NOMO1: variants seen among roughly 807,000 people sequenced by gnomAD.
NOMO1 encodes the protein NODAL modulator 1.
In NOMO1, 40 loss-of-function variants were observed where a neutral mutation model predicts 133.8. That is an observed-to-expected ratio of 0.30 (90% CI 0.23 to 0.39). NOMO1 has a LOEUF of 0.39. Among genes scored for constraint, NOMO1 ranks in the 10% least tolerant of loss-of-function variants. The probability of loss-of-function intolerance (pLI) is 1.00; values close to 1 mark genes in which losing one functional copy is unlikely to be tolerated. For synonymous variants in NOMO1, 236 were observed against 570.5 expected, an observed-to-expected ratio of 0.41 and a Z score of 8.36; for missense variants, 462 against 1,419.9, an observed-to-expected ratio of 0.33 and a Z score of 10.84.
At chr16:14,857,069 G>C (rs910350442) in intron 9 of NOMO1, 148 bp from the exon 10 acceptor site, 15 of 1,054,028 alleles carry the variant, frequency 1.4e-5, no homozygotes, top group Non-Finnish European at 2.0e-5. Context: ...AGGGAGCCTG[G>C]CTGGCACACA....
At chr16:14,867,883 G>T (rs1398411227) in intron 15 of NOMO1, among the ~76,000 whole-genome samples, 14 of 133,434 alleles carry the variant, frequency 1.0e-4, no homozygotes, top group Admixed American at 3.7e-4. Flanking sequence ...CAGCTCTCTT[G>T]TAATAAGATC....
intron 4 of NOMO1, 60 bp from the exon 5 acceptor site, chr16:14,846,517 C>T: frequency 3.3e-6 from 2 of 599,150 alleles, no homozygotes; most frequent in Non-Finnish European, 5.9e-6. Context: ...AGCAGGACTG[C>T]CAGTGCTTTG....
At chr16:14,877,507 G>A (rs1394884397) in intron 22 of NOMO1, among the ~76,000 whole-genome samples, 11 of 151,228 alleles carry the variant, frequency 7.3e-5, no homozygotes, top group Non-Finnish European at 1.5e-4. Flanking sequence ...ATTCAAACTC[G>A]GAAGAAATGT....
chr16:14,858,393 CT>C (rs1963874918), intron 11 of NOMO1, among the ~76,000 whole-genome samples: 1 of 150,514 alleles, frequency 6.6e-6, no homozygotes, highest in Non-Finnish European at 1.5e-5. Flanking sequence ...TTACCATCAT[CT>C]GAAGCAAGAT....
At chr16:14,889,278 T>A in intron 29 of NOMO1, 63 bp downstream of exon 29, 1 of 1,611,410 alleles carries the variant, frequency 6.2e-7, no homozygotes, top group Non-Finnish European at 8.5e-7. Context: ...ACGCCTGTAA[T>A]CCCAGCACTT....
intron 15 of NOMO1, among the ~76,000 whole-genome samples, chr16:14,867,944 A>C (rs1275315468): frequency 8.7e-5 from 8 of 91,524 alleles, no homozygotes; most frequent in Admixed American, 3.5e-4. Context: ...ATCTCCTCCC[A>C]CTGTCCCCTC....
rs1437143066 is a variant in NOMO1, at chr16:14,857,551, A to G, written c.1116A>G (p.Thr372=). 1.2e-6 allele frequency: 2 copies of G among 1,611,128 alleles called. No homozygotes were observed. Among genetic ancestry groups the G allele is most frequent in the South Asian group, 1.1e-5 (1 of 90,926 alleles). ...CATTCCGCCTTGAGAACATAACCAC[A>G]GGGACATACACCATCCATGCTCAGA... ...DGSFRLENIT[T]GTYTIHAQKE... Residue 372 remains threonine (T), a synonymous_variant, in exon 11 of 31, where the codon ACA becomes ACG. Coordinates refer to ENST00000287667, the MANE Select transcript of NOMO1 (RefSeq NM_014287.4).
At position 14,836,761 on chromosome 16, in the gene NOMO1, A is replaced by G. The variant is rs112323359; in HGVS notation, c.166-1646A>G. 4.1e-3 allele frequency among the ~76,000 whole-genome samples: 575 copies of G among 140,334 alleles called. 7 individuals carry two copies. Among genetic ancestry groups the G allele is most frequent in the Middle Eastern group, 0.012 (3 of 248 alleles). 92.1% of individuals were successfully genotyped at this position (140,334 alleles called of 152,430 possible). A position where few individuals can be genotyped will look rare whatever the true frequency, so the allele number is the denominator to read the frequency against. On this transcript the variant is annotated intron_variant, in intron 1 of 30. Transcript: ENST00000287667. Reference sequence around the variant, plus strand: ...TCGCCCAGGCCGGACTGCAGACTGCAGTGGCACAATCTCGGCTCACTGCAA... The same window carrying G: ...TCGCCCAGGCCGGACTGCAGACTGCGGTGGCACAATCTCGGCTCACTGCAA...
intron 11 of NOMO1, chr16:14,862,333 A>G (rs557632825): frequency 0.013 from 2,025 of 152,948 alleles, 108 homozygotes; most frequent in Admixed American, 0.09. Flanking sequence ...CTCGTGTGTT[A>G]TTCGAGGGAT....
chr16:14,886,205 A>C (rs1462442071), intron 27 of NOMO1, among the ~76,000 whole-genome samples: 3 of 151,200 alleles, frequency 2.0e-5, no homozygotes, highest in South Asian at 2.1e-4. Flanking sequence ...AGCCACGTAC[A>C]TGATGGAATG....
At chr16:14,889,398 G>A (rs546379836) in intron 29 of NOMO1, among the ~76,000 whole-genome samples, 183 bp downstream of exon 29, 1 of 152,164 alleles carries the variant, frequency 6.6e-6, no homozygotes, top group Non-Finnish European at 1.5e-5. Context: ...CGGGCGTGGT[G>A]GAACGCACCT....
chr16:14,844,327 G>A (rs567381455), intron 3 of NOMO1, among the ~76,000 whole-genome samples: 2 of 151,906 alleles, frequency 1.3e-5, no homozygotes, highest in Non-Finnish European at 2.9e-5. Flanking sequence ...GTGCCTGGTC[G>A]TTGATGAGCA....
chr16:14,892,457 G>C (rs1470830751), intron 29 of NOMO1, among the ~76,000 whole-genome samples: 1 of 151,596 alleles, frequency 6.6e-6, no homozygotes, highest in Non-Finnish European at 1.5e-5. Context: ...GACACTGCTT[G>C]GTGGTGGCCA....
intron 24 of NOMO1, among the ~76,000 whole-genome samples, chr16:14,880,844 T>C (rs1291487774): frequency 6.6e-6 from 1 of 150,736 alleles, no homozygotes; most frequent in Non-Finnish European, 1.5e-5. Flanking sequence ...AGACAACCAG[T>C]ACTTCCAGTT....
intron 9 of NOMO1, among the ~76,000 whole-genome samples, chr16:14,856,619 C>T (rs879979630): frequency 6.6e-6 from 1 of 151,914 alleles, no homozygotes; most frequent in Non-Finnish European, 1.5e-5. Context: ...ACCATGTTGG[C>T]TAGGCTGGTC....
rs1963677028 is a variant in NOMO1 at position 14,846,089 on chromosome 16, C to T, written c.403-488C>T. Among the ~76,000 whole-genome samples the T allele has an allele frequency of 3.0e-5, 4 of 134,102 alleles. No individual in the cohort carries two copies. The South Asian group carries it at 7.3e-4, about 25-fold the overall frequency. The allele number at this position is 134,102 out of a possible 152,430, so 88.0% of individuals were successfully genotyped here. ...TCGCCCAGGCTGGAGTGCAGTGGCGCGATTGCAGCTTACTGCAACCTCCGC... is the reference window on the plus strand; with the variant it reads ...TCGCCCAGGCTGGAGTGCAGTGGCGTGATTGCAGCTTACTGCAACCTCCGC... On this transcript the variant is annotated intron_variant, in intron 4 of 30. Coordinates refer to ENST00000287667, the MANE Select transcript of NOMO1 (RefSeq NM_014287.4).
At chr16:14,885,491 T>C (rs1430949311) in intron 27 of NOMO1, among the ~76,000 whole-genome samples, 1 of 152,114 alleles carries the variant, frequency 6.6e-6, no homozygotes, top group African/African-American at 2.4e-5. Context: ...TGTTAGTGAT[T>C]TGCTCTGGGG....
rs1963863336 is a variant in NOMO1, at chr16:14,857,654, G to A, written c.1219G>A (p.Gly407Arg). The change falls in exon 11 of 31, where the codon GGG (glycine) becomes AGG (arginine). Residue 407 changes from glycine (G) to arginine (R), a missense_variant and splice_region_variant. By Grantham distance (125) the Gly-to-Arg change is moderately radical. Coordinates refer to ENST00000287667, the MANE Select transcript of NOMO1 (RefSeq NM_014287.4). Reference sequence around the variant, plus strand: ...TCAGCTGGCTGACATTATTGCAACAGGGTAAGCTTATCGTGTGGATTTGGA... The same window carrying A: ...TCAGCTGGCTGACATTATTGCAACAAGGTAAGCTTATCGTGTGGATTTGGA... ...TPQLADIIAT[G>R]FSVCGQISII... 1 of 1,613,754 alleles carries A rather than the reference G, an allele frequency of 6.2e-7. No individual in the cohort carries two copies. Among genetic ancestry groups the A allele is most frequent in the East Asian group, 2.2e-5 (1 of 44,874 alleles).
chr16:14,856,820 C>T (rs1399563788), intron 9 of NOMO1, among the ~76,000 whole-genome samples: 1 of 151,564 alleles, frequency 6.6e-6, no homozygotes, highest in Non-Finnish European at 1.5e-5. Flanking sequence ...GCTGGAGGAG[C>T]GGGGCGGGGC....
Sources: gnomAD v4.1 joint callset for allele counts (sites outside exome capture counted in the v4.1 genomes callset) on GRCh38, gnomAD v4.1.1 for gene constraint, MANE v1.5 for transcripts, NCBI Gene and HGNC (gene_info 2026-07-23, HGNC 2026-07-21) for gene names.